The following DSCAM variants were observed in gnomAD, a reference collection of about 807,000 sequenced individuals.
The protein encoded by DSCAM is DS cell adhesion molecule.
A neutral mutation model predicts 217.7 loss-of-function variants in DSCAM; 47 were observed. The observed-to-expected ratio is 0.22, with a 90% CI of 0.17 to 0.28. The LOEUF is 0.28. Ranked by LOEUF, DSCAM falls within the 10% of genes least tolerant of loss-of-function variation. The pLI is 1.00. For missense variants in DSCAM, 2,080 were observed against 2,618.3 expected, an observed-to-expected ratio of 0.79 and a Z score of 4.49; for synonymous variants, 1,056 against 1,015.3, an observed-to-expected ratio of 1.04 and a Z score of -0.76.
At chr21:40,436,076 A>G (rs768533253) in intron 3 of DSCAM, among the ~76,000 whole-genome samples, 1 of 152,196 alleles carries the variant, frequency 6.6e-6, no homozygotes, top group Non-Finnish European at 1.5e-5. Flanking sequence ...GATGTTCAAT[A>G]TGTTAGGCAT....
chr21:40,377,792 G>A (rs989297100), intron 3 of DSCAM, among the ~76,000 whole-genome samples: 1 of 152,182 alleles, frequency 6.6e-6, no homozygotes, highest in South Asian at 2.1e-4. Flanking sequence ...CCAGTGTGGC[G>A]CTAAGAAAGC....
chr21:40,542,662 C>T (rs2076551118), intron 3 of DSCAM, among the ~76,000 whole-genome samples: 1 of 152,182 alleles, frequency 6.6e-6, no homozygotes, highest in African/African-American at 2.4e-5. Flanking sequence ...CTGCTGACAA[C>T]CTGATCTCAG....
intron 26 of DSCAM, among the ~76,000 whole-genome samples, chr21:40,077,063 A>C (rs753554651): frequency 6.6e-6 from 1 of 152,204 alleles, no homozygotes; most frequent in Non-Finnish European, 1.5e-5. Context: ...GAAGTCACTG[A>C]AGAGTGAGGG....
chr21:40,409,523 T>C (rs2075305221), intron 3 of DSCAM, among the ~76,000 whole-genome samples: 1 of 152,138 alleles, frequency 6.6e-6, no homozygotes, highest in South Asian at 2.1e-4. Flanking sequence ...GGAATCCTAG[T>C]GAGAGGTGGA....
intron 3 of DSCAM, among the ~76,000 whole-genome samples, chr21:40,676,068 A>G (rs2090334081): frequency 6.6e-6 from 1 of 152,258 alleles, no homozygotes; most frequent in Admixed American, 6.5e-5. Context: ...CAACAAGTGT[A>G]TATTTTAAAT....
rs1025835327 is a variant in DSCAM, at chr21:40,819,039, C to T, written c.43+27580G>A. On this transcript the variant is annotated intron_variant, in intron 1 of 32. Transcript: ENST00000400454. ...GGAGCCCATTTGCGTAACAGCCATC[C>T]ACCCATTTGCTCAACACTGACTGAG... Among the ~76,000 whole-genome samples the T allele has an allele frequency of 2.6e-5, 4 of 152,282 alleles. No individual in the cohort carries two copies. In the East Asian group the frequency reaches 7.7e-4, roughly 29 times the overall value.
chr21:40,567,894 G>C (rs540925064), intron 3 of DSCAM, among the ~76,000 whole-genome samples: 1 of 151,904 alleles, frequency 6.6e-6, no homozygotes, highest in South Asian at 2.1e-4. Flanking sequence ...CTTTCTATAA[G>C]AATTTATTCT....
chr21:40,161,618 G>A (rs1007139501), intron 16 of DSCAM, among the ~76,000 whole-genome samples: 1 of 152,118 alleles, frequency 6.6e-6, no homozygotes, highest in Non-Finnish European at 1.5e-5. Flanking sequence ...TACTTTATAC[G>A]GATGACCAGA....
intron 11 of DSCAM, among the ~76,000 whole-genome samples, chr21:40,250,477 T>A (rs573856705): frequency 1.3e-5 from 2 of 152,322 alleles, no homozygotes; most frequent in African/African-American, 2.4e-5. Flanking sequence ...TCATAATTTT[T>A]TAAAAAATTC....
intron 1 of DSCAM, among the ~76,000 whole-genome samples, chr21:40,754,543 C>T (rs1038615502): frequency 6.6e-6 from 1 of 152,206 alleles, no homozygotes; most frequent in Non-Finnish European, 1.5e-5. Flanking sequence ...CAGGACCCTG[C>T]CTCAGTTACT....
chr21:40,708,826 T>A, intron 1 of DSCAM, 55 bp from the exon 2 acceptor site: 3 of 1,243,160 alleles, frequency 2.4e-6, no homozygotes, highest in Non-Finnish European at 1.1e-6. Context: ...CTTTGACATT[T>A]GCAGTTCAAT....
chr21:40,657,967 T>C (rs2837767), intron 3 of DSCAM, among the ~76,000 whole-genome samples: 70,713 of 151,936 alleles, frequency 0.47, 16,531 homozygotes, highest in East Asian at 0.62. Context: ...CAATCTCCAA[T>C]TCAGAAATGC....
At chr21:40,208,209 TTGGGAGGCTGAGG>T (rs1460972021) in intron 11 of DSCAM, among the ~76,000 whole-genome samples, 2 of 152,068 alleles carry the variant, frequency 1.3e-5, no homozygotes, top group Non-Finnish European at 2.9e-5. Flanking sequence ...TCCCAGCACT[TTGGGAGGCTGAGG>T]TGGGTGGATC....
At chr21:40,273,550 A>G (rs2073646960) in intron 11 of DSCAM, among the ~76,000 whole-genome samples, 1 of 152,184 alleles carries the variant, frequency 6.6e-6, no homozygotes, top group East Asian at 1.9e-4. Flanking sequence ...TGTCCCTGGA[A>G]TACCCTATCT....
At chr21:40,834,385 C>T (rs745361650) in intron 1 of DSCAM, among the ~76,000 whole-genome samples, 5 of 148,392 alleles carry the variant, frequency 3.4e-5, no homozygotes, top group Admixed American at 6.7e-5. Flanking sequence ...CCAGCCTGGG[C>T]GACAGAGTGA....
intron 3 of DSCAM, among the ~76,000 whole-genome samples, chr21:40,474,847 G>A (rs1311097316): frequency 6.6e-6 from 1 of 152,158 alleles, no homozygotes; most frequent in African/African-American, 2.4e-5. Flanking sequence ...TGTCCTCTGA[G>A]GGTTCCCACG....
intron 3 of DSCAM, among the ~76,000 whole-genome samples, chr21:40,677,938 T>C (rs1353825297): frequency 6.6e-6 from 1 of 152,102 alleles, no homozygotes; most frequent in Non-Finnish European, 1.5e-5. Flanking sequence ...CAATGCATGG[T>C]AACTTGTTAA....
rs544083079 is a variant in DSCAM at position 40,141,572 on chromosome 21, C to T, written c.3406+986G>A. Among the ~76,000 whole-genome samples, 62 of 152,156 alleles carry T rather than the reference C, an allele frequency of 4.1e-4. 1 individual carries two copies. The highest frequency in any genetic ancestry group is 3.5e-3 in the South Asian group (17 of 4,822). Reference sequence around the variant, plus strand: ...GTGGAGAGTTGCAGTGAGCTGAGATCGTGCCACTGCACTCCAGCCTGGGTG... The same window carrying T: ...GTGGAGAGTTGCAGTGAGCTGAGATTGTGCCACTGCACTCCAGCCTGGGTG... On this transcript the variant is annotated intron_variant, in intron 18 of 32. Transcript: ENST00000400454.
intron 3 of DSCAM, among the ~76,000 whole-genome samples, chr21:40,518,562 A>ATG (rs2076332551): frequency 1.2e-5 from 1 of 84,790 alleles, no homozygotes; most frequent in African/African-American, 5.8e-5. Context: ...ATATACACAC[A>ATG]CACATATATA....
Sources: allele counts gnomAD v4.1 joint callset (sites outside exome capture counted in the v4.1 genomes callset), GRCh38; gene constraint gnomAD v4.1.1; transcripts MANE v1.5; gene names NCBI Gene and HGNC (gene_info 2026-07-23, HGNC 2026-07-21).